SAMD4A: variants seen among roughly 807,000 people sequenced by gnomAD.
SAMD4A encodes the protein sterile alpha motif domain containing 4A.
SAMD4A carries 33 observed loss-of-function variants against 81.3 expected under a neutral mutation model. The observed-to-expected ratio is 0.41, with a 90% CI of 0.31 to 0.54. SAMD4A has a LOEUF of 0.54. SAMD4A is among the 20% of genes least tolerant of loss of function. SAMD4A has a pLI of 0.37. For missense variants in SAMD4A, 854 were observed against 951.1 expected (o/e 0.90, Z 1.34); for synonymous variants, 389 against 382.1 (o/e 1.02, Z -0.21).
chr14:54,566,419 C>A (rs1253875906), upstream of SAMD4A, among the ~76,000 whole-genome samples: 1 of 151,794 alleles, frequency 6.6e-6, no homozygotes, highest in Admixed American at 6.6e-5. Context: ...CCGGAAGCAG[C>A]GTGTTGTTGG....
intron 2 of SAMD4A, among the ~76,000 whole-genome samples, chr14:54,647,169 G>A (rs1231014034): frequency 6.6e-6 from 1 of 152,124 alleles, no homozygotes; most frequent in Non-Finnish European, 1.5e-5. Context: ...AGTTTATCTT[G>A]TTTATAATAA....
intron 2 of SAMD4A, among the ~76,000 whole-genome samples, chr14:54,664,267 G>A (rs969753720): frequency 6.6e-6 from 1 of 152,160 alleles, no homozygotes; most frequent in South Asian, 2.1e-4. Context: ...ATTCCAGACA[G>A]TGGACCCATC....
At chr14:54,652,762 A>G (rs2035432878) in intron 2 of SAMD4A, 1 of 152,082 alleles carries the variant, frequency 6.6e-6, no homozygotes, top group African/African-American at 2.4e-5. Flanking sequence ...GTTCCCTTTA[A>G]GAGTGTGGGT....
chr14:54,763,984 C>T (rs1031585066), intron 7 of SAMD4A, among the ~76,000 whole-genome samples: 9 of 152,178 alleles, frequency 5.9e-5, no homozygotes, highest in African/African-American at 1.7e-4. Context: ...CACACCTCCC[C>T]GTCTCCAGGA....
intron 2 of SAMD4A, among the ~76,000 whole-genome samples, chr14:54,630,596 C>T (rs1039292455): frequency 2.6e-5 from 4 of 152,240 alleles, no homozygotes; most frequent in South Asian, 2.1e-4. Context: ...ATCAGATATA[C>T]GTATGAGTCT....
intron 2 of SAMD4A, among the ~76,000 whole-genome samples, chr14:54,645,359 C>T (rs1160396842): frequency 1.3e-5 from 2 of 152,200 alleles, no homozygotes; most frequent in Non-Finnish European, 2.9e-5. Context: ...CCCTATCCCA[C>T]TGTTCAGACA....
chr14:54,781,277 G>A (rs1165145917), intron 11 of SAMD4A, among the ~76,000 whole-genome samples: 1 of 152,244 alleles, frequency 6.6e-6, no homozygotes, highest in East Asian at 1.9e-4. Flanking sequence ...CACCGTGGGT[G>A]CCACACATGT....
chr14:54,756,761 CTTG>C (rs1408862356), intron 6 of SAMD4A, among the ~76,000 whole-genome samples: 14 of 152,214 alleles, frequency 9.2e-5, no homozygotes, highest in African/African-American at 3.1e-4. Flanking sequence ...TGGTTTGCAG[CTTG>C]TTGTCATATG....
At chr14:54,689,030 C>A (rs942496428) in intron 2 of SAMD4A, among the ~76,000 whole-genome samples, 5 of 148,180 alleles carry the variant, frequency 3.4e-5, no homozygotes, top group Non-Finnish European at 5.9e-5. Flanking sequence ...CTCCCGAGTT[C>A]AAGCGATTCT....
intron 3 of SAMD4A, among the ~76,000 whole-genome samples, chr14:54,717,453 AAAAG>A (rs760955699): frequency 1.9e-4 from 29 of 152,080 alleles, no homozygotes; most frequent in East Asian, 1.7e-3. Context: ...AAAAAAAAAA[AAAAG>A]AAAGAAATTT....
chr14:54,670,321 T>C (rs1179513157), intron 2 of SAMD4A, among the ~76,000 whole-genome samples: 1 of 152,208 alleles, frequency 6.6e-6, no homozygotes, highest in African/African-American at 2.4e-5. Flanking sequence ...GAAATGTGCA[T>C]GTGTAAGGGT....
rs552840923 is a variant in SAMD4A, at chr14:54,704,982, G to A, written c.715+2402G>A. On this transcript the variant is annotated intron_variant, in intron 3 of 12. Coordinates refer to ENST00000554335, the MANE Select transcript of SAMD4A (RefSeq NM_015589.6). ...GAAGAACAAGGACTTTGGCATCAAC[G>A]CCTCCTAGGTCCAAATCCCAGACAG... Among the ~76,000 whole-genome samples the A allele has an allele frequency of 1.7e-4, 26 of 152,222 alleles. No individual in the cohort carries two copies. In the East Asian group the frequency reaches 2.5e-3, roughly 15 times the overall value.
intron 2 of SAMD4A, among the ~76,000 whole-genome samples, chr14:54,606,208 T>TGTGTGC (rs942038644): frequency 6.7e-6 from 1 of 148,528 alleles, no homozygotes; most frequent in Non-Finnish European, 1.5e-5. Flanking sequence ...TGTGTGTGTG[T>TGTGTGC]GTGTGCGTGC....
At chr14:54,769,140 T>G (rs2038636184) in intron 8 of SAMD4A, among the ~76,000 whole-genome samples, 1 of 152,210 alleles carries the variant, frequency 6.6e-6, no homozygotes, top group African/African-American at 2.4e-5. Context: ...GGGATTCATA[T>G]GTGACGTGGG....
Position 54,751,962 on chromosome 14 carries a change from A to C in SAMD4A, c.1176+425A>C, listed in dbSNP as rs1271990027. On this transcript the variant is annotated intron_variant, in intron 6 of 12. Transcript: ENST00000554335. The stretch of plus-strand genomic sequence containing the variant: ...TCCTCCCAGGGGAGGGTCTGTTTTG[A>C]GAAAAGCTGCCCCCAGAGTGGTAAA... 2.6e-5 allele frequency among the ~76,000 whole-genome samples: 4 copies of C among 152,246 alleles called. No individual in the cohort carries two copies. The South Asian group carries it at 8.3e-4, about 32-fold the overall frequency.
chr14:54,660,487 G>T (rs1295663218), intron 2 of SAMD4A, among the ~76,000 whole-genome samples: 1 of 152,230 alleles, frequency 6.6e-6, no homozygotes, highest in Non-Finnish European at 1.5e-5. Context: ...TTATCCCCTT[G>T]TGGGGAGCAG....
intron 2 of SAMD4A, among the ~76,000 whole-genome samples, chr14:54,644,782 T>C (rs1055862455): frequency 6.6e-6 from 1 of 152,204 alleles, no homozygotes; most frequent in Non-Finnish European, 1.5e-5. Flanking sequence ...CAACATGATA[T>C]GATTTTTTTA....
chr14:54,741,693 C>G (rs1566614293), intron 4 of SAMD4A, among the ~76,000 whole-genome samples: 1 of 152,194 alleles, frequency 6.6e-6, no homozygotes, highest in East Asian at 1.9e-4. Flanking sequence ...ATGAATGACC[C>G]TCATTCAAAG....
At chr14:54,566,778 C>T (rs2032950372), upstream of SAMD4A, among the ~76,000 whole-genome samples, 1 of 152,000 alleles carries the variant, frequency 6.6e-6, no homozygotes, top group Non-Finnish European at 1.5e-5. Flanking sequence ...CACGCGCGCG[C>T]ACAGTGACCG....
Sources: allele counts gnomAD v4.1 joint callset (sites outside exome capture counted in the v4.1 genomes callset), GRCh38; gene constraint gnomAD v4.1.1; transcripts MANE v1.5; gene names NCBI Gene and HGNC (gene_info 2026-07-23, HGNC 2026-07-21).